GPC5: variants seen among roughly 807,000 people sequenced by gnomAD.
GPC5 encodes glypican-5.
In GPC5, 47 loss-of-function variants were observed where a neutral mutation model predicts 53.9. The observed-to-expected ratio is 0.87, with a 90% CI of 0.69 to 1.11. The LOEUF is 1.11. GPC5 is among the 50% of genes most tolerant of loss of function. The pLI is 0.00. For synonymous variants in GPC5, 286 were observed against 263.3 expected, an observed-to-expected ratio of 1.09 and a Z score of -0.84; for missense variants, 748 against 713.1, an observed-to-expected ratio of 1.05 and a Z score of -0.56.
intron 7 of GPC5, among the ~76,000 whole-genome samples, chr13:92,752,022 GC>G (rs1715865798): frequency 6.6e-6 from 1 of 151,146 alleles, no homozygotes; most frequent in African/African-American, 2.4e-5. Flanking sequence ...GTTTTAATTT[GC>G]CACTTTGCTT....
intron 2 of GPC5, among the ~76,000 whole-genome samples, chr13:91,611,246 G>A (rs1393867964): frequency 1.3e-5 from 2 of 152,158 alleles, no homozygotes; most frequent in African/African-American, 4.8e-5. Context: ...TCTTTGCCAA[G>A]CAATTAGGAA....
intron 7 of GPC5, among the ~76,000 whole-genome samples, chr13:92,629,855 G>A (rs1438792205): frequency 2.6e-5 from 4 of 152,112 alleles, no homozygotes; most frequent in African/African-American, 9.7e-5. Context: ...TAATGCAGAG[G>A]TTAGCGATTT....
At chr13:91,452,298 A>C (rs1286268215) in intron 2 of GPC5, among the ~76,000 whole-genome samples, 1 of 152,120 alleles carries the variant, frequency 6.6e-6, no homozygotes, top group Non-Finnish European at 1.5e-5. Context: ...ATCTGTTTTT[A>C]GAAGGACTCA....
chr13:92,541,448 A>G (rs149737724), intron 7 of GPC5, among the ~76,000 whole-genome samples: 1 of 152,032 alleles, frequency 6.6e-6, no homozygotes, highest in African/African-American at 2.4e-5. Flanking sequence ...ATACATTGAT[A>G]ATTTGCATGT....
chr13:92,847,940 C>A (rs1359308393), intron 7 of GPC5, among the ~76,000 whole-genome samples: 2 of 152,166 alleles, frequency 1.3e-5, no homozygotes, highest in African/African-American at 2.4e-5. Context: ...TTCTAACTTA[C>A]TGAGTTCCTA....
intron 7 of GPC5, among the ~76,000 whole-genome samples, chr13:92,437,061 A>C (rs892838770): frequency 6.6e-6 from 1 of 152,212 alleles, no homozygotes; most frequent in Non-Finnish European, 1.5e-5. Context: ...ATCAAACTGC[A>C]ATCCCAGAAC....
intron 7 of GPC5, among the ~76,000 whole-genome samples, chr13:92,573,100 AT>A (rs1883082788): frequency 6.6e-6 from 1 of 152,168 alleles, no homozygotes; most frequent in Non-Finnish European, 1.5e-5. Flanking sequence ...CAGAGGTTGA[AT>A]TTTATCAAAA....
intron 3 of GPC5, among the ~76,000 whole-genome samples, chr13:91,721,166 C>T (rs1000592993): frequency 6.9e-6 from 1 of 145,026 alleles, no homozygotes; most frequent in Non-Finnish European, 1.5e-5. Context: ...CTGAGTTTCA[C>T]TCTTGTTGCC....
At chr13:91,439,825 A>G (rs1880285643) in intron 1 of GPC5, among the ~76,000 whole-genome samples, 1 of 152,198 alleles carries the variant, frequency 6.6e-6, no homozygotes, top group African/African-American at 2.4e-5. Flanking sequence ...CATTTGCAAT[A>G]CAGAAACACC....
chr13:92,092,506 A>G (rs1300496498), intron 6 of GPC5, among the ~76,000 whole-genome samples: 9 of 152,202 alleles, frequency 5.9e-5, no homozygotes, highest in Admixed American at 6.5e-5. Context: ...AGATATTTAA[A>G]TAAGTGAAGG....
intron 2 of GPC5, among the ~76,000 whole-genome samples, chr13:91,646,832 G>T (rs372069438): frequency 6.6e-6 from 1 of 152,154 alleles, no homozygotes; most frequent in Non-Finnish European, 1.5e-5. Context: ...TCATGAGAAT[G>T]TGTGCATGTG....
chr13:92,582,042 GC>G (rs1394172693), intron 7 of GPC5, among the ~76,000 whole-genome samples: 1 of 152,062 alleles, frequency 6.6e-6, no homozygotes, highest in Non-Finnish European at 1.5e-5. Flanking sequence ...CTATGCAGAA[GC>G]TTTTTAGTTT....
In GPC5 at chr13:92,835,736, A is replaced by G. The variant is rs1878197804; in HGVS notation, c.1562-30546A>G. Among the ~76,000 whole-genome samples, 5 of 151,976 alleles carry G rather than the reference A, an allele frequency of 3.3e-5. No homozygotes were observed. In the South Asian group the frequency reaches 1.0e-3, roughly 31 times the overall value. ...CTGATTCACATAACCTAGTTAACATATATTTTAAAATATATAGAATATTTA... is the reference window on the plus strand; with the variant it reads ...CTGATTCACATAACCTAGTTAACATGTATTTTAAAATATATAGAATATTTA... On this transcript the variant is annotated intron_variant, in intron 7 of 7. Coordinates refer to ENST00000377067, the MANE Select transcript of GPC5 (RefSeq NM_004466.6).
intron 7 of GPC5, among the ~76,000 whole-genome samples, chr13:92,787,667 CA>C (rs71202562): frequency 4.6e-3 from 256 of 56,232 alleles, no homozygotes; most frequent in East Asian, 0.027. Context: ...CTCATAGCTA[CA>C]AAAAAAAAAA....
At chr13:91,783,837 A>T (rs2037836331) in intron 5 of GPC5, among the ~76,000 whole-genome samples, 1 of 152,216 alleles carries the variant, frequency 6.6e-6, no homozygotes, top group African/African-American at 2.4e-5. Context: ...AATAATTAGC[A>T]TGTCTCTATA....
At chr13:91,779,931 G>T (rs2037772224) in intron 5 of GPC5, among the ~76,000 whole-genome samples, 1 of 152,000 alleles carries the variant, frequency 6.6e-6, no homozygotes, top group South Asian at 2.1e-4. Flanking sequence ...TAAAATAAAG[G>T]TTAAATGTAT....
chr13:92,466,122 C>T (rs1336618632), intron 7 of GPC5, among the ~76,000 whole-genome samples: 1 of 151,904 alleles, frequency 6.6e-6, no homozygotes, highest in Non-Finnish European at 1.5e-5. Flanking sequence ...TTTAATCACT[C>T]CACAGTGTAT....
chr13:91,452,017 C>T (rs1333915226), intron 2 of GPC5, among the ~76,000 whole-genome samples: 3 of 152,040 alleles, frequency 2.0e-5, no homozygotes, highest in African/African-American at 7.2e-5. Flanking sequence ...GGGTCTCACT[C>T]TGTTGCCCAG....
At chr13:91,914,329 G>A (rs560532572) in intron 6 of GPC5, among the ~76,000 whole-genome samples, 36 of 152,228 alleles carry the variant, frequency 2.4e-4, no homozygotes, top group Non-Finnish European at 4.7e-4. Context: ...AAATGTTACA[G>A]TGTTGTTAAA....
Sources: allele counts gnomAD v4.1 joint callset (sites outside exome capture counted in the v4.1 genomes callset), GRCh38; gene constraint gnomAD v4.1.1; transcripts MANE v1.5; gene names NCBI Gene and HGNC (gene_info 2026-07-23, HGNC 2026-07-21).